WDR5: variants seen among roughly 807,000 people sequenced by gnomAD.
WDR5 encodes WD repeat domain 5.
For synonymous variants in WDR5, 144 were observed against 161.6 expected, an observed-to-expected ratio of 0.89 and a Z score of 0.83; for missense variants, 187 against 416.9, an observed-to-expected ratio of 0.45 and a Z score of 4.80.
rs1832843827 is a variant in WDR5, at chr9:134,158,350, T to C, written c.*357T>C. 1 of 189,064 alleles carries C rather than the reference T, an allele frequency of 5.3e-6. No individual in the cohort carries two copies. The highest frequency in any genetic ancestry group is 1.1e-5 in the Non-Finnish European group (1 of 91,042). The allele number at this position is 189,064 out of a possible 1,614,324, so 11.7% of individuals were successfully genotyped here. The stretch of plus-strand genomic sequence containing the variant: ...CGTTCTGTATCTTTTTGATATTCCA[T>C]GACCCAGTGCACGCTGTGGCCTGTC... On this transcript the variant is annotated 3_prime_UTR_variant, in exon 14 of 14. Transcript: ENST00000358625.
rs34443303 is a variant in WDR5, at chr9:134,148,186, CTTTTTTT to C, written c.529-83_529-77del. On this transcript the variant is annotated intron_variant, in intron 7 of 13. Coordinates refer to ENST00000358625, the MANE Select transcript of WDR5 (RefSeq NM_017588.3). ...AACAAACAAAAAAACATAACTCAGTCTTTTTTTTTTTTTTTTTTTTTTTTTGAGATCA... is the reference window on the plus strand; with the variant it reads ...AACAAACAAAAAAACATAACTCAGTCTTTTTTTTTTTTTTTTTTGAGATCA... 423 of 285,324 alleles carry C rather than the reference CTTTTTTT, an allele frequency of 1.5e-3. 1 individual carries two copies. Among genetic ancestry groups the C allele is most frequent in the Middle Eastern group, 0.011 (11 of 1,042 alleles). The allele number at this position is 285,324 out of a possible 1,614,324, so 17.7% of individuals were successfully genotyped here. A position where few individuals can be genotyped will look rare whatever the true frequency, so the allele number is the denominator to read the frequency against.
At chr9:134,146,085 C>T (rs958994140) in intron 7 of WDR5, among the ~76,000 whole-genome samples, 1 of 151,910 alleles carries the variant, frequency 6.6e-6, no homozygotes, top group Non-Finnish European at 1.5e-5. Flanking sequence ...CTGCCTCAGC[C>T]TCCTGAGTAG....
At chr9:134,151,824 C>T (rs539084072) in intron 8 of WDR5, among the ~76,000 whole-genome samples, 159 bp from the exon 9 acceptor site, 98 of 152,152 alleles carry the variant, frequency 6.4e-4, no homozygotes, top group Non-Finnish European at 1.0e-3. Flanking sequence ...AGTCTTTGTC[C>T]CTAGAATATA....
chr9:134,143,828 TAA>T (rs201310780), intron 7 of WDR5, among the ~76,000 whole-genome samples: 16 of 146,672 alleles, frequency 1.1e-4, no homozygotes, highest in South Asian at 2.2e-4. Context: ...ACTCTGTCTT[TAA>T]AAAAAAAAAA....
chr9:134,156,891 C>T (rs895115143), intron 13 of WDR5, among the ~76,000 whole-genome samples: 5 of 152,254 alleles, frequency 3.3e-5, no homozygotes, highest in Non-Finnish European at 7.3e-5. Context: ...GCCCGTCCCA[C>T]GTCACGGCGA....
intron 13 of WDR5, 77 bp downstream of exon 13, chr9:134,156,670 C>T: frequency 6.8e-7 from 1 of 1,464,284 alleles, no homozygotes; most frequent in Admixed American, 1.8e-5. Context: ...CGTGGTGTGC[C>T]CGTAGGGTGC....
chr9:134,135,735 C>T (rs573077907), upstream of WDR5: 1 of 152,254 alleles, frequency 6.6e-6, no homozygotes, highest in East Asian at 1.9e-4. Flanking sequence ...GAATCGACTC[C>T]GGAGACAACG....
At chr9:134,148,127 C>CCTG (rs1195426997) in intron 7 of WDR5, among the ~76,000 whole-genome samples, 161 bp from the exon 8 acceptor site, 3 of 151,338 alleles carry the variant, frequency 2.0e-5, no homozygotes, top group African/African-American at 2.4e-5. Context: ...CGCACCCCAG[C>CCTG]CTGGGTGACA....
In WDR5 at chr9:134,155,249, T is replaced by C. The variant is rs1832694384; in HGVS notation, c.708-91T>C. Reference sequence around the variant, plus strand: ...CGCTGGCTTTTGCACCTGGCGCTGATGGTGGCTGTGACGTAGTGGCTGCAG... The same window carrying C: ...CGCTGGCTTTTGCACCTGGCGCTGACGGTGGCTGTGACGTAGTGGCTGCAG... On this transcript the variant is annotated intron_variant, in intron 10 of 13. Transcript: ENST00000358625. The C allele has an allele frequency of 5.6e-6, 8 of 1,421,472 alleles. No homozygotes were observed. In the African/African-American group the frequency reaches 5.9e-5, roughly 10 times the overall value. The allele number at this position is 1,421,472 out of a possible 1,614,324, so 88.1% of individuals were successfully genotyped here.
At chr9:134,152,083 G>A in intron 9 of WDR5, 54 bp downstream of exon 9, 1 of 1,589,950 alleles carries the variant, frequency 6.3e-7, no homozygotes, top group Non-Finnish European at 8.6e-7. Flanking sequence ...TCCCCTGCTG[G>A]GTTCACTGCC....
rs1488384379 is a variant in WDR5 at position 134,139,838 on chromosome 9, T to C, written c.-40T>C. ...TCAACAGACTGCCTCTGTCACCGGG[T>C]CCCTCCACCCTTGTCTCCTGTGCGG... On this transcript the variant is annotated 5_prime_UTR_variant, in exon 2 of 14. Transcript: ENST00000358625. The C allele has an allele frequency of 1.2e-6, 2 of 1,610,256 alleles. No individual in the cohort carries two copies. Among genetic ancestry groups the C allele is most frequent in the South Asian group, 2.2e-5 (2 of 91,024 alleles).
chr9:134,141,118 T>A (rs1831866198), intron 3 of WDR5, among the ~76,000 whole-genome samples: 1 of 152,016 alleles, frequency 6.6e-6, no homozygotes, highest in South Asian at 2.1e-4. Flanking sequence ...CCTGTCTCTA[T>A]TAAAAATACA....
intron 7 of WDR5, among the ~76,000 whole-genome samples, 175 bp from the exon 8 acceptor site, chr9:134,148,113 A>G (rs1832298162): frequency 6.6e-6 from 1 of 151,202 alleles, no homozygotes; most frequent in Non-Finnish European, 1.5e-5. Flanking sequence ...CAGTGAGCTG[A>G]GATCGCACCC....
rs1273535027 is a variant in WDR5 at position 134,142,704 on chromosome 9, G to A, written c.513G>A (p.Ser171=). 1.6e-5 allele frequency: 26 copies of A among 1,614,232 alleles called. No individual in the cohort carries two copies. The highest frequency in any genetic ancestry group is 3.3e-5 in the Admixed American group (2 of 60,020). The stretch of plus-strand genomic sequence containing the variant: ...GCCTCAAGACTTTGCCAGCTCACTC[G>A]GATCCAGTCTCGGCCGTAAGTCCCT... ...GKCLKTLPAH[S]DPVSAVHFNR... Residue 171 remains serine (S), a synonymous_variant, in exon 7 of 14, where the codon TCG becomes TCA. Coordinates refer to ENST00000358625, the MANE Select transcript of WDR5 (RefSeq NM_017588.3).
rs1832847468 is a variant in WDR5 at position 134,158,401 on chromosome 9, G to T, written c.*408G>T. 1 of 161,098 alleles carries T rather than the reference G, an allele frequency of 6.2e-6. No individual in the cohort carries two copies. Among genetic ancestry groups the T allele is most frequent in the Admixed American group, 6.3e-5 (1 of 15,902 alleles). The allele number at this position is 161,098 out of a possible 1,614,324, so 10.0% of individuals were successfully genotyped here. A position where few individuals can be genotyped will look rare whatever the true frequency, so the allele number is the denominator to read the frequency against. On this transcript the variant is annotated 3_prime_UTR_variant, in exon 14 of 14. Transcript: ENST00000358625. ...ACCGCCACCGTGGCCCCGCCAGCTG[G>T]CCTCCCCTTTGGCCCACGCCGGCCG...
chr9:134,155,389 C>A lies in WDR5; in HGVS notation c.741+16C>A. On this transcript the variant is annotated intron_variant, in intron 11 of 13. Coordinates refer to ENST00000358625, the MANE Select transcript of WDR5 (RefSeq NM_017588.3). The stretch of plus-strand genomic sequence containing the variant: ...CAAGGGGAAGGTGAGCCCCCGCAGG[C>A]TTGGGCCCCCATGGTGCACCATCCC... 1.9e-6 allele frequency: 3 copies of A among 1,599,988 alleles called. No individual in the cohort carries two copies. In the South Asian group the frequency reaches 3.4e-5, roughly 18 times the overall value.
chr9:134,136,260 G>C (rs1831545579), intron 1 of WDR5, 60 bp downstream of exon 1: 1 of 148,880 alleles, frequency 6.7e-6, no homozygotes, highest in South Asian at 2.1e-4. Context: ...GGCGCCAGAA[G>C]CTTCCAAACC....
chr9:134,154,606 C>T (rs1443825242), intron 10 of WDR5, 65 bp downstream of exon 10: 1 of 1,556,490 alleles, frequency 6.4e-7, no homozygotes, highest in Non-Finnish European at 8.9e-7. Flanking sequence ...ACCTGCGTGC[C>T]AGCGTGAGCC....
At chr9:134,142,828 T>C in intron 7 of WDR5, 109 bp downstream of exon 7, 1 of 1,124,692 alleles carries the variant, frequency 8.9e-7, no homozygotes, top group South Asian at 1.3e-5. Context: ...GGCCTGTGCC[T>C]AGCTGATTCC....
Sources: allele counts gnomAD v4.1 joint callset (sites outside exome capture counted in the v4.1 genomes callset), GRCh38; gene constraint gnomAD v4.1.1; transcripts MANE v1.5; gene names NCBI Gene and HGNC (gene_info 2026-07-23, HGNC 2026-07-21).